Variants in TRIM27 observed in about 807,000 individuals in gnomAD.
The protein encoded by TRIM27 is zinc finger protein RFP.
A neutral mutation model predicts 57.6 loss-of-function variants in TRIM27; 12 were observed. The ratio of observed to expected loss-of-function variants is 0.21; its 90% CI spans 0.13 to 0.34. The LOEUF is 0.34. TRIM27 is among the 10% of genes least tolerant of loss of function. TRIM27 has a pLI of 1.00. For synonymous variants in TRIM27, 266 were observed against 259.0 expected, an observed-to-expected ratio of 1.03 and a Z score of -0.26; for missense variants, 403 against 656.8, an observed-to-expected ratio of 0.61 and a Z score of 4.22.
intron 6 of TRIM27, chr6:28,908,254 G>A (rs570294010): frequency 1.3e-5 from 2 of 154,462 alleles, no homozygotes; most frequent in South Asian, 4.0e-4. Context: ...TATACCTCAG[G>A]AGGTAAGAAC....
Position 28,923,922 on chromosome 6 carries a change from G to A in TRIM27, c.-290C>T, listed in dbSNP as rs1036824540. ...AGGGTAGCCGAGGGTCAGAGTCCCAGGGCCAGGCGGGCAAAGCGCGCAAGA... is the reference window on the plus strand; with the variant it reads ...AGGGTAGCCGAGGGTCAGAGTCCCAAGGCCAGGCGGGCAAAGCGCGCAAGA... On this transcript the variant is annotated 5_prime_UTR_variant, in exon 1 of 8. Transcript: ENST00000377199. The A allele has an allele frequency of 7.3e-6, 3 of 410,336 alleles. No individual in the cohort carries two copies. Among genetic ancestry groups the A allele is most frequent in the Admixed American group, 4.2e-5 (1 of 23,746 alleles). The allele number at this position is 410,336 out of a possible 1,614,324, so 25.4% of individuals were successfully genotyped here.
In TRIM27 at chr6:28,920,217, T is replaced by C; in HGVS notation, c.542A>G (p.Lys181Arg). The change falls in exon 3 of 8, where the codon AAG becomes AGG. Residue 181 changes from lysine (K) to arginine (R), a missense_variant. Transcript: ENST00000377199. ...CAGCTGCTCAAACTCCCAAACAATC[T>C]TCTCCCTCTCCATCTGGGTTAGGCT... ...LLSLTQMERE[K>R]IVWEFEQLYH... is the part of the protein sequence containing the mutation. The C allele has an allele frequency of 6.2e-7, 1 of 1,611,420 alleles. No individual in the cohort carries two copies. The highest frequency in any genetic ancestry group is 8.5e-7 in the Non-Finnish European group (1 of 1,178,108).
At chr6:28,908,458 T>C (rs1772938732) in intron 6 of TRIM27, 1 of 250,296 alleles carries the variant, frequency 4.0e-6, no homozygotes, top group Non-Finnish European at 7.7e-6. Context: ...AGGAACTCAG[T>C]AAATTACAAT....
chr6:28,912,770 A>G (rs1012256035), intron 3 of TRIM27, among the ~76,000 whole-genome samples: 1 of 152,212 alleles, frequency 6.6e-6, no homozygotes, highest in Non-Finnish European at 1.5e-5. Flanking sequence ...TATATCTTCA[A>G]AGTAAATTCT....
At chr6:28,915,025 T>TA (rs1479392873) in intron 3 of TRIM27, 2 of 152,102 alleles carry the variant, frequency 1.3e-5, no homozygotes, top group Non-Finnish European at 2.9e-5. Context: ...TTATTTTATT[T>TA]AACTGAACTG....
At position 28,904,038 on chromosome 6, in the gene TRIM27, G is replaced by C. The variant is rs1772583999; in HGVS notation, c.*32C>G. On this transcript the variant is annotated 3_prime_UTR_variant, in exon 8 of 8. Coordinates refer to ENST00000377199, the MANE Select transcript of TRIM27 (RefSeq NM_006510.5). This position sits in a 1 kb window ranked among gnomAD's most constrained non-coding sequence, Gnocchi z 6.1. The stretch of plus-strand genomic sequence containing the variant: ...GCCTTGTGCCTGGCGTAGGATTACA[G>C]CCAACAGCCCTTTTGGCCTGAATTC... The C allele has an allele frequency of 6.3e-7, 1 of 1,579,480 alleles. No individual in the cohort carries two copies. Among genetic ancestry groups the C allele is most frequent in the South Asian group, 1.1e-5 (1 of 88,636 alleles).
Position 28,904,018 on chromosome 6 carries a change from G to T in TRIM27, c.*52C>A. On this transcript the variant is annotated 3_prime_UTR_variant, in exon 8 of 8. Coordinates refer to ENST00000377199, the MANE Select transcript of TRIM27 (RefSeq NM_006510.5). This position sits in a 1 kb window ranked among gnomAD's most constrained non-coding sequence, Gnocchi z 6.1. Reference sequence around the variant, plus strand: ...ACGTGGCAAGGCAACAAGATGCCTTGTGCCTGGCGTAGGATTACAGCCAAC... The same window carrying T: ...ACGTGGCAAGGCAACAAGATGCCTTTTGCCTGGCGTAGGATTACAGCCAAC... The T allele has an allele frequency of 6.8e-7, 1 of 1,480,138 alleles. No individual in the cohort carries two copies. Among genetic ancestry groups the T allele is most frequent in the Non-Finnish European group, 9.3e-7 (1 of 1,075,544 alleles). 91.7% of individuals were successfully genotyped at this position (1,480,138 alleles called of 1,614,324 possible).
Position 28,903,827 on chromosome 6 carries a change from A to AC in TRIM27, c.*242_*243insG. On this transcript the variant is annotated 3_prime_UTR_variant, in exon 8 of 8. Coordinates refer to ENST00000377199, the MANE Select transcript of TRIM27 (RefSeq NM_006510.5). ...CCAGCGATGTGTAAAACCAGAAAGTATGAAACACTGGAGGTGGACATCTGG... is the reference window on the plus strand; with the variant it reads ...CCAGCGATGTGTAAAACCAGAAAGTACTGAAACACTGGAGGTGGACATCTGG... 1 of 559,510 alleles carries AC rather than the reference A, an allele frequency of 1.8e-6. No homozygotes were observed. The highest frequency in any genetic ancestry group is 2.6e-5 in the South Asian group (1 of 38,634). 34.7% of individuals were successfully genotyped at this position (559,510 alleles called of 1,614,324 possible). A position where few individuals can be genotyped will look rare whatever the true frequency, so the allele number is the denominator to read the frequency against.
chr6:28,915,977 C>T (rs1773565516), intron 3 of TRIM27, among the ~76,000 whole-genome samples: 1 of 151,990 alleles, frequency 6.6e-6, no homozygotes, highest in African/African-American at 2.4e-5. Context: ...AGTGCAATGG[C>T]ACGATCTCGG....
chr6:28,904,509 G>A lies in TRIM27; in HGVS notation c.1103C>T (p.Ala368Val). 1 of 1,612,852 alleles carries A rather than the reference G, an allele frequency of 6.2e-7. No homozygotes were observed. The highest frequency in any genetic ancestry group is 8.5e-7 in the Non-Finnish European group (1 of 1,180,006). The part of the protein sequence containing the change: ...PCVLGSPCFI[A>V]GRHYWEVEVG... ...CTCTACCTCCCAATAATGTCTCCCG[G>A]CGATGAAGCATGGAGAGCCCAAGAC... Residue 368 changes from alanine (A) to valine (V), a missense_variant, in exon 8 of 8, where the codon GCC becomes GTC. By Grantham distance (64) the Ala-to-Val change is moderately conservative. Coordinates refer to ENST00000377199, the MANE Select transcript of TRIM27 (RefSeq NM_006510.5). This position sits in a 1 kb window ranked among gnomAD's most constrained non-coding sequence, Gnocchi z 6.1.
chr6:28,907,645 G>A, intron 6 of TRIM27: 1 of 529,822 alleles, frequency 1.9e-6, no homozygotes, highest in Non-Finnish European at 3.8e-6. Flanking sequence ...AGAGCTGAAT[G>A]GCTCAAGTGA....
chr6:28,914,581 TG>T (rs9280508), intron 3 of TRIM27, among the ~76,000 whole-genome samples: 4,075 of 38,820 alleles, frequency 0.1, 225 homozygotes, highest in African/African-American at 0.22. Flanking sequence ...ATTGCAAGGG[TG>T]GGGGGGGGGG....
rs544752050 is a variant in TRIM27 at position 28,916,863 on chromosome 6, T to A, written c.747+3149A>T. On this transcript the variant is annotated intron_variant, in intron 3 of 7. Coordinates refer to ENST00000377199, the MANE Select transcript of TRIM27 (RefSeq NM_006510.5). ...AAAAAAATGAAGAAGGCTGGAAGGC[T>A]GGATGTGGTGGCTCACACCTGTAAT... is the stretch of plus-strand genomic sequence containing the variant. 3.9e-5 allele frequency among the ~76,000 whole-genome samples: 6 copies of A among 152,168 alleles called. 1 individual carries two copies. The South Asian group carries it at 1.2e-3, about 32-fold the overall frequency.
rs373345773 is a variant in TRIM27, at chr6:28,908,795, T to C, written c.919+13A>G. 6.5e-5 allele frequency: 105 copies of C among 1,613,254 alleles called. No homozygotes were observed. The highest frequency in any genetic ancestry group is 4.9e-4 in the Middle Eastern group (3 of 6,080). ...AACTTTACATCAAAAGCCCAGTAGG[T>C]AGATAAATTTACCTTGGATTTTCTC... On this transcript the variant is annotated intron_variant, in intron 6 of 7. Coordinates refer to ENST00000377199, the MANE Select transcript of TRIM27 (RefSeq NM_006510.5).
At chr6:28,907,745 G>A in intron 6 of TRIM27, 1 of 390,732 alleles carries the variant, frequency 2.6e-6, no homozygotes, top group Non-Finnish European at 5.0e-6. Flanking sequence ...ATCCCACTAA[G>A]ACTTTTAAGT....
rs149039667 is a variant in TRIM27, at chr6:28,903,487, C to T, written c.*583G>A. The T allele has an allele frequency of 4.7e-5, 11 of 233,732 alleles. No individual in the cohort carries two copies. The highest frequency in any genetic ancestry group is 2.4e-4 in the African/African-American group (11 of 45,440). 14.5% of individuals were successfully genotyped at this position (233,732 alleles called of 1,614,324 possible). ...CTCATAACAGAGGTGGGGCCATTAC[C>T]CACCATTATTGTAAAATAACTGTAA... On this transcript the variant is annotated 3_prime_UTR_variant, in exon 8 of 8. Transcript: ENST00000377199.
rs1044227646 is a variant in TRIM27, at chr6:28,908,217, T to C, written c.919+591A>G. The C allele has an allele frequency of 1.9e-5, 3 of 154,146 alleles. No individual in the cohort carries two copies. The East Asian group carries it at 5.6e-4, about 29-fold the overall frequency. 9.5% of individuals were successfully genotyped at this position (154,146 alleles called of 1,614,324 possible). A position where few individuals can be genotyped will look rare whatever the true frequency, so the allele number is the denominator to read the frequency against. ...TGTGTCAGGTTCTATTCTAGAAGTG[T>C]TAGAAATGGTAACTAACCTTAATTC... On this transcript the variant is annotated intron_variant, in intron 6 of 7. Coordinates refer to ENST00000377199, the MANE Select transcript of TRIM27 (RefSeq NM_006510.5).
intron 7 of TRIM27, chr6:28,906,912 C>T: frequency 3.7e-6 from 1 of 272,688 alleles, no homozygotes; most frequent in Non-Finnish European, 6.9e-6. Context: ...CATGGTTTGA[C>T]CCTGAAGCTG....
intron 6 of TRIM27, chr6:28,907,711 T>C (rs1177998688): frequency 9.7e-6 from 4 of 411,952 alleles, no homozygotes; most frequent in South Asian, 4.0e-5. Context: ...CACTTTATAG[T>C]TGAAACAGAA....
Sources: gnomAD v4.1 joint callset for allele counts (sites outside exome capture counted in the v4.1 genomes callset) on GRCh38, gnomAD v4.1.1 for gene constraint, Gnocchi (gnomAD v3.1) non-coding constraint, MANE v1.5 for transcripts, NCBI Gene and HGNC (gene_info 2026-07-23, HGNC 2026-07-21) for gene names.